The following ME1 variants were observed in gnomAD, a reference collection of about 807,000 sequenced individuals.
The protein encoded by ME1 is malic enzyme 1.
ME1 carries 74 observed loss-of-function variants against 66.4 expected under a neutral mutation model. That is an observed-to-expected ratio of 1.11 (90% CI 0.92 to 1.35). The LOEUF is 1.35. Among genes scored for constraint, ME1 ranks in the 40% most tolerant of loss-of-function variants. The pLI is 0.00. For missense variants in ME1, 750 were observed against 694.1 expected (o/e 1.08, Z -0.90); for synonymous variants, 251 against 235.6 (o/e 1.07, Z -0.60).
chr6:83,340,110 A>G (rs1407699778), intron 5 of ME1, among the ~76,000 whole-genome samples: 1 of 152,182 alleles, frequency 6.6e-6, no homozygotes, highest in East Asian at 1.9e-4. Context: ...TAAGTTTTGA[A>G]TATTTGTTTT....
At chr6:83,383,195 T>C (rs1039350100) in intron 3 of ME1, among the ~76,000 whole-genome samples, 2 of 151,842 alleles carry the variant, frequency 1.3e-5, no homozygotes, top group African/African-American at 2.4e-5. Context: ...TGGAGGACTC[T>C]TACTAATGCA....
chr6:83,376,512 A>G (rs1195388889), intron 3 of ME1, among the ~76,000 whole-genome samples: 1 of 151,802 alleles, frequency 6.6e-6, no homozygotes, highest in Non-Finnish European at 1.5e-5. Flanking sequence ...AAAAAAAGAA[A>G]AAAAGAGGCC....
rs1333458275 is a variant in ME1, at chr6:83,431,008, T to C, written c.-54A>G. ...AGGCCGGGGCGGGCCGCACGCGCGG[T>C]GCAGGCGGCGGATGCTGCTGGGGTG... On this transcript the variant is annotated 5_prime_UTR_variant, in exon 1 of 14. Transcript: ENST00000369705. The C allele has an allele frequency of 8.3e-7, 1 of 1,212,024 alleles. No homozygotes were observed. Among genetic ancestry groups the C allele is most frequent in the South Asian group, 1.7e-5 (1 of 57,410 alleles). The allele number at this position is 1,212,024 out of a possible 1,614,324, so 75.1% of individuals were successfully genotyped here. A position where few individuals can be genotyped will look rare whatever the true frequency, so the allele number is the denominator to read the frequency against.
intron 6 of ME1, among the ~76,000 whole-genome samples, chr6:83,298,358 CTTCTT>C (rs1767641400): frequency 1.3e-5 from 2 of 151,992 alleles, no homozygotes; most frequent in South Asian, 4.1e-4. Flanking sequence ...ACATAAATGT[CTTCTT>C]TTGAGAAGTG....
chr6:83,392,511 C>G (rs1474067009), intron 3 of ME1: 2 of 532,398 alleles, frequency 3.8e-6, no homozygotes, highest in Non-Finnish European at 7.4e-6. Flanking sequence ...ATATTGTCGC[C>G]ATCAATGACC....
At chr6:83,362,197 C>T (rs1031282007) in intron 3 of ME1, among the ~76,000 whole-genome samples, 1 of 152,130 alleles carries the variant, frequency 6.6e-6, no homozygotes, top group Admixed American at 6.5e-5. Flanking sequence ...GTCAGATGTG[C>T]GATTATACAC....
At chr6:83,356,845 C>T (rs1768899339) in intron 3 of ME1, among the ~76,000 whole-genome samples, 1 of 152,134 alleles carries the variant, frequency 6.6e-6, no homozygotes, top group Non-Finnish European at 1.5e-5. Flanking sequence ...TATTCTCCTA[C>T]ATAATCTTAA....
intron 13 of ME1, among the ~76,000 whole-genome samples, chr6:83,212,748 T>C (rs1162574204): frequency 6.6e-6 from 1 of 152,168 alleles, no homozygotes; most frequent in Admixed American, 6.5e-5. Context: ...TATACTTTTT[T>C]CTCTCTTTAC....
rs1769972570 is a variant in ME1, at chr6:83,407,713, T to C, written c.212+55A>G. The C allele has an allele frequency of 4.2e-6, 6 of 1,438,516 alleles. No homozygotes were observed. In the East Asian group the frequency reaches 1.5e-4, roughly 36 times the overall value. 89.1% of individuals were successfully genotyped at this position (1,438,516 alleles called of 1,614,324 possible). On this transcript the variant is annotated intron_variant, in intron 2 of 13. Coordinates refer to ENST00000369705, the MANE Select transcript of ME1 (RefSeq NM_002395.6). The stretch of plus-strand genomic sequence containing the variant: ...TTTCATTTTCTCACCCAATAAAAAA[T>C]AAACTAGACAACTGCATAAGAGAAA...
chr6:83,326,314 T>C (rs1768290264), intron 5 of ME1, among the ~76,000 whole-genome samples: 1 of 152,174 alleles, frequency 6.6e-6, no homozygotes, highest in East Asian at 1.9e-4. Flanking sequence ...GGAATACCAT[T>C]CAGGCCATAG....
At chr6:83,400,955 C>T (rs1219415642) in intron 2 of ME1, among the ~76,000 whole-genome samples, 1 of 152,150 alleles carries the variant, frequency 6.6e-6, no homozygotes, top group East Asian at 1.9e-4. Flanking sequence ...TGGCTAACTG[C>T]TCCACCACCT....
At chr6:83,384,525 T>C (rs557404317) in intron 3 of ME1, among the ~76,000 whole-genome samples, 2 of 151,950 alleles carry the variant, frequency 1.3e-5, no homozygotes, top group South Asian at 4.1e-4. Flanking sequence ...AAGTTCCTTA[T>C]ATTAATAGAT....
At chr6:83,349,606 T>C (rs1768760635) in intron 4 of ME1, among the ~76,000 whole-genome samples, 1 of 152,228 alleles carries the variant, frequency 6.6e-6, no homozygotes, top group Non-Finnish European at 1.5e-5. Context: ...GCCCATCCTC[T>C]TGTAGCCTAC....
At chr6:83,307,783 G>C (rs1307369771) in intron 6 of ME1, among the ~76,000 whole-genome samples, 25 of 139,334 alleles carry the variant, frequency 1.8e-4, no homozygotes, top group Non-Finnish European at 8.8e-5. Flanking sequence ...TGTAGAGTTG[G>C]ACGAAACTCT....
chr6:83,348,893 A>G (rs1479827719), intron 4 of ME1, among the ~76,000 whole-genome samples: 1 of 150,274 alleles, frequency 6.7e-6, no homozygotes, highest in Non-Finnish European at 1.5e-5. Flanking sequence ...CTGAGGCAGA[A>G]GAATTGCTTG....
chr6:83,394,803 C>T (rs1052238451), intron 3 of ME1, among the ~76,000 whole-genome samples: 19 of 151,974 alleles, frequency 1.3e-4, no homozygotes, highest in African/African-American at 3.1e-4. Context: ...GTATTTATTT[C>T]GATTGTTTCT....
At chr6:83,247,005 G>A (rs1180204) in intron 7 of ME1, among the ~76,000 whole-genome samples, 63,956 of 151,892 alleles carry the variant, frequency 0.42, 13,779 homozygotes, top group Middle Eastern at 0.55. Context: ...CCTTTTGTGA[G>A]TATCTGTTCT....
chr6:83,211,963 A>G lies in ME1; in HGVS notation c.1680T>C (p.Pro560=). The G allele has an allele frequency of 6.2e-7, 1 of 1,607,532 alleles. No individual in the cohort carries two copies. The highest frequency in any genetic ancestry group is 1.1e-5 in the South Asian group (1 of 89,694). Residue 560 remains proline, a synonymous_variant, in exon 14 of 14, where the codon CCT becomes CCC. Transcript: ENST00000369705. The stretch of plus-strand genomic sequence containing the variant: ...TGGTCTGTATTTTCTGCACCTCTTC[A>G]GGCCAAGAATAACAATCAGGTAGAA... ...DQILPDCYSW[P]EEVQKIQTKV...
intron 2 of ME1, among the ~76,000 whole-genome samples, chr6:83,399,523 A>G (rs1769804261): frequency 6.6e-6 from 1 of 152,230 alleles, no homozygotes; most frequent in African/African-American, 2.4e-5. Flanking sequence ...GAAATGACAT[A>G]CAGGAAATAA....
Sources: gnomAD v4.1 joint callset for allele counts (sites outside exome capture counted in the v4.1 genomes callset) on GRCh38, gnomAD v4.1.1 for gene constraint, MANE v1.5 for transcripts, NCBI Gene and HGNC (gene_info 2026-07-23, HGNC 2026-07-21) for gene names.